Variants in AKAP12 observed in about 807,000 individuals in gnomAD.
AKAP12 encodes A-kinase anchoring protein 12, also known as A-kinase anchor protein 12.
AKAP12 carries 32 observed loss-of-function variants against 79.9 expected under a neutral mutation model. That is an observed-to-expected ratio of 0.40 (90% CI 0.30 to 0.54). The LOEUF is 0.54. AKAP12 is among the 20% of genes least tolerant of loss of function. AKAP12 has a pLI of 0.48. For missense variants in AKAP12, 2,074 were observed against 2,177.0 expected (o/e 0.95, Z 0.94); for synonymous variants, 808 against 857.0 (o/e 0.94, Z 1.00).
At chr6:151,250,933 A>T (rs1201122515) in intron 2 of AKAP12, among the ~76,000 whole-genome samples, 1 of 152,198 alleles carries the variant, frequency 6.6e-6, no homozygotes, top group East Asian at 1.9e-4. Context: ...TTCTAACCAC[A>T]TACTTATGTT....
At chr6:151,329,529 T>C (rs1777617108) in intron 3 of AKAP12, among the ~76,000 whole-genome samples, 1 of 152,232 alleles carries the variant, frequency 6.6e-6, no homozygotes, top group South Asian at 2.1e-4. Flanking sequence ...CATTATTCTT[T>C]AAAGTAGAAA....
intron 2 of AKAP12, among the ~76,000 whole-genome samples, chr6:151,287,827 A>G (rs61466969): frequency 0.14 from 21,104 of 152,220 alleles, 1,586 homozygotes; most frequent in Middle Eastern, 0.22. Context: ...ATGCCCATCA[A>G]TGATAGACTG....
At chr6:151,297,063 T>C (rs1360260978) in intron 2 of AKAP12, among the ~76,000 whole-genome samples, 1 of 149,874 alleles carries the variant, frequency 6.7e-6, no homozygotes, top group African/African-American at 2.5e-5. Flanking sequence ...GTTTGAAGTA[T>C]TCAATTTTAG....
chr6:151,283,547 G>A (rs775871578), intron 2 of AKAP12, among the ~76,000 whole-genome samples: 21 of 152,150 alleles, frequency 1.4e-4, no homozygotes, highest in Non-Finnish European at 2.8e-4. Context: ...ACTGTGTCAG[G>A]TGCTGTCTGT....
chr6:151,319,443 GTCTATCTATCTATCTA>G (rs59954289), intron 3 of AKAP12, among the ~76,000 whole-genome samples: 32 of 140,316 alleles, frequency 2.3e-4, no homozygotes, highest in South Asian at 2.4e-4. Flanking sequence ...ACAGGTGTCT[GTCTATCTATCTATCTA>G]TCTATCTATC....
In AKAP12 at chr6:151,352,518, A is replaced by G. The variant is rs748994902; in HGVS notation, c.4127A>G (p.Gln1376Arg). The change falls in exon 4 of 5, where the codon CAG becomes CGG. Residue 1376 changes from glutamine to arginine, a missense_variant. By Grantham distance (43) the Gln-to-Arg change is conservative. This residue lies in a region of AKAP12 where 614 missense variants were observed against 665.6 expected (regional missense o/e 0.92). Transcript: ENST00000402676. Reference protein sequence around the residue: ...VSEEVSKQLLQTVNVPIIDGA... With the variant: ...VSEEVSKQLLRTVNVPIIDGA... ...GAAGAGGTCAGTAAGCAGCTCCTCC[A>G]GACAGTGAATGTGCCCATCATAGAT... The G allele has an allele frequency of 6.8e-6, 11 of 1,614,110 alleles. No individual in the cohort carries two copies. Among genetic ancestry groups the G allele is most frequent in the Non-Finnish European group, 9.3e-6 (11 of 1,180,044 alleles).
chr6:151,306,834 A>G (rs572137686), intron 3 of AKAP12, among the ~76,000 whole-genome samples: 1 of 152,354 alleles, frequency 6.6e-6, no homozygotes, highest in African/African-American at 2.4e-5. Context: ...ACACAGTCTC[A>G]CAGGCGGAGT....
At chr6:151,330,497 C>T (rs145058230) in intron 3 of AKAP12, among the ~76,000 whole-genome samples, 200 of 152,190 alleles carry the variant, frequency 1.3e-3, no homozygotes, top group African/African-American at 4.6e-3. Context: ...GACAATGCTA[C>T]GAATCTTGGG....
In AKAP12 at chr6:151,352,116, C is replaced by G; in HGVS notation, c.3725C>G (p.Thr1242Ser). 6.2e-7 allele frequency: 1 copy of G among 1,614,128 alleles called. No homozygotes were observed. Among genetic ancestry groups the G allele is most frequent in the Non-Finnish European group, 8.5e-7 (1 of 1,180,026 alleles). The change falls in exon 4 of 5, where the codon ACT becomes AGT. Residue 1242 changes from threonine to serine, a missense_variant. By Grantham distance (58) the Thr-to-Ser change is moderately conservative (BLOSUM62 1). Transcript: ENST00000402676. ...ETKEQSKMEDTLEHTDKEVSV... is the reference protein window; with the variant it reads ...ETKEQSKMEDSLEHTDKEVSV... ...AAAGAACAATCAAAGATGGAAGACA[C>G]TCTAGAGCATACAGATAAAGAGGTG...
At chr6:151,242,511 C>T (rs766496340) in intron 2 of AKAP12, among the ~76,000 whole-genome samples, 2 of 152,226 alleles carry the variant, frequency 1.3e-5, no homozygotes, top group Non-Finnish European at 2.9e-5. Context: ...AGTGCACTTA[C>T]ATGTATCCTT....
intron 3 of AKAP12, among the ~76,000 whole-genome samples, chr6:151,326,768 T>C (rs926820834): frequency 2.6e-5 from 4 of 152,076 alleles, no homozygotes; most frequent in Admixed American, 6.6e-5. Context: ...ACTTCTTTAT[T>C]CTTTAAATAT....
chr6:151,312,461 T>A (rs1006093000), intron 3 of AKAP12, among the ~76,000 whole-genome samples: 6 of 151,136 alleles, frequency 4.0e-5, no homozygotes, highest in African/African-American at 1.5e-4. Flanking sequence ...GGGCAACAGA[T>A]TGAGACCCTG....
At chr6:151,286,471 C>T (rs771278563) in intron 2 of AKAP12, among the ~76,000 whole-genome samples, 12 of 152,208 alleles carry the variant, frequency 7.9e-5, no homozygotes, top group East Asian at 1.9e-4. Context: ...CGCCAACCCT[C>T]GCTGGATGGG....
In AKAP12 at chr6:151,350,931, T is replaced by TC; in HGVS notation, c.2543dup (p.Leu849SerfsTer3). The stretch of plus-strand genomic sequence containing the variant: ...GATGACTCTGATGTCCCGGCCGTGG[T>TC]CCCTCTGTCTGAGTATGATGCTGTA... On this transcript the variant is annotated frameshift_variant, in exon 4 of 5. Coordinates refer to ENST00000402676, the MANE Select transcript of AKAP12 (RefSeq NM_005100.4). LOFTEE classifies it high-confidence loss of function. The surrounding 1 kb of genome is among the most constrained non-coding windows in gnomAD (Gnocchi z 4.8). 5.0e-6 allele frequency: 8 copies of TC among 1,613,884 alleles called. No individual in the cohort carries two copies. The highest frequency in any genetic ancestry group is 6.8e-6 in the Non-Finnish European group (8 of 1,179,986).
At position 151,299,768 on chromosome 6, in the gene AKAP12, T is replaced by G. The variant is rs1182391519; in HGVS notation, c.163-5979T>G. Reference sequence around the variant, plus strand: ...TAGACATTTAAGGGTTTTTTTTTTTTTTGCTATTATGAAGTATTTATTACT... The same window carrying G: ...TAGACATTTAAGGGTTTTTTTTTTTGTTGCTATTATGAAGTATTTATTACT... On this transcript the variant is annotated intron_variant, in intron 2 of 4. Transcript: ENST00000402676. Among the ~76,000 whole-genome samples the G allele has an allele frequency of 1.9e-4, 29 of 152,104 alleles. No homozygotes were observed. The East Asian group carries it at 5.0e-3, about 26-fold the overall frequency.
intron 3 of AKAP12, among the ~76,000 whole-genome samples, chr6:151,338,739 C>A (rs1777877120): frequency 6.6e-6 from 1 of 152,242 alleles, no homozygotes; most frequent in African/African-American, 2.4e-5. Flanking sequence ...GCGTGAGCCG[C>A]TGCACCCGGC....
intron 2 of AKAP12, among the ~76,000 whole-genome samples, chr6:151,285,847 A>G (rs1242885387): frequency 6.6e-6 from 1 of 151,770 alleles, no homozygotes; most frequent in Non-Finnish European, 1.5e-5. Flanking sequence ...GATCATCTAC[A>G]TCTATCACAT....
At chr6:151,327,132 T>TTTA (rs1777550025) in intron 3 of AKAP12, among the ~76,000 whole-genome samples, 1 of 151,774 alleles carries the variant, frequency 6.6e-6, no homozygotes, top group Admixed American at 6.6e-5. Flanking sequence ...TTTTTTTTTT[T>TTTA]TTAATCAACT....
Position 151,240,024 on chromosome 6 carries a change from G to C in AKAP12, c.-215G>C, listed in dbSNP as rs1796934344. ...GGGACTCGGACTCGCTCCTGGGCGA[G>C]CTGAAAGTCGGCTGCAGCAGAAGCT... On this transcript the variant is annotated 5_prime_UTR_variant, in exon 1 of 5. Coordinates refer to ENST00000402676, the MANE Select transcript of AKAP12 (RefSeq NM_005100.4). The C allele has an allele frequency of 6.6e-6, 1 of 152,464 alleles. No individual in the cohort carries two copies. Among genetic ancestry groups the C allele is most frequent in the Admixed American group, 6.5e-5 (1 of 15,292 alleles). The allele number at this position is 152,464 out of a possible 1,614,324, so 9.4% of individuals were successfully genotyped here. A position where few individuals can be genotyped will look rare whatever the true frequency, so the allele number is the denominator to read the frequency against.
Sources: gnomAD v4.1 joint callset for allele counts (sites outside exome capture counted in the v4.1 genomes callset) on GRCh38, gnomAD v4.1.1 for gene constraint, gnomAD v4.1.1 regional missense constraint, Gnocchi (gnomAD v3.1) non-coding constraint, MANE v1.5 for transcripts, NCBI Gene and HGNC (gene_info 2026-07-23, HGNC 2026-07-21) for gene names.